Variants in GRM1 observed in about 807,000 individuals in gnomAD.
GRM1 encodes metabotropic glutamate receptor 1.
GRM1 carries 33 observed loss-of-function variants against 90.9 expected under a neutral mutation model. The ratio of observed to expected loss-of-function variants is 0.36; its 90% CI spans 0.28 to 0.49. GRM1 has a LOEUF of 0.49. Ranked by LOEUF, GRM1 falls within the 20% of genes least tolerant of loss-of-function variation. The pLI, the probability that GRM1 is intolerant of heterozygous loss-of-function variation, is 0.99. For missense variants in GRM1, 1,190 were observed against 1,534.3 expected, an observed-to-expected ratio of 0.78 and a Z score of 3.75; for synonymous variants, 700 against 613.2, an observed-to-expected ratio of 1.14 and a Z score of -2.09.
At chr6:146,163,173 C>T (rs1777798228) in intron 2 of GRM1, among the ~76,000 whole-genome samples, 2 of 152,046 alleles carry the variant, frequency 1.3e-5, no homozygotes, top group Non-Finnish European at 2.9e-5. Flanking sequence ...GCCAGCAGAC[C>T]CAGGGGAGAA....
intron 1 of GRM1, among the ~76,000 whole-genome samples, chr6:146,151,749 A>G (rs1777344819): frequency 6.6e-6 from 1 of 151,856 alleles, no homozygotes; most frequent in South Asian, 2.1e-4. Context: ...ATCCCATTTT[A>G]CCCCCATTTT....
chr6:146,362,199 T>A (rs191441096), intron 5 of GRM1, among the ~76,000 whole-genome samples: 140 of 152,336 alleles, frequency 9.2e-4, no homozygotes, highest in Admixed American at 2.1e-3. Flanking sequence ...CCTCTTCTTA[T>A]CATCACCCAG....
chr6:146,042,004 A>G (rs1379785221), intron 1 of GRM1, among the ~76,000 whole-genome samples: 3 of 151,818 alleles, frequency 2.0e-5, no homozygotes, highest in Admixed American at 2.0e-4. Flanking sequence ...AGAGAAATGA[A>G]CTCTGTGTCT....
intron 2 of GRM1, among the ~76,000 whole-genome samples, chr6:146,166,723 A>G (rs979108294): frequency 2.6e-5 from 4 of 152,204 alleles, no homozygotes; most frequent in South Asian, 4.1e-4. Flanking sequence ...GGGCCTACCA[A>G]TGAAGTTTCT....
intron 1 of GRM1, among the ~76,000 whole-genome samples, chr6:146,120,251 T>C (rs1417752902): frequency 1.3e-5 from 2 of 152,218 alleles, no homozygotes; most frequent in African/African-American, 4.8e-5. Context: ...TTGTTATTGG[T>C]GTATAAGAAT....
chr6:146,260,053 A>G (rs1382934112), intron 2 of GRM1, among the ~76,000 whole-genome samples: 1 of 151,604 alleles, frequency 6.6e-6, no homozygotes, highest in African/African-American at 2.4e-5. Context: ...ATACATGTGC[A>G]GAACGTGCAG....
intron 2 of GRM1, among the ~76,000 whole-genome samples, chr6:146,234,265 A>G (rs1780552778): frequency 6.6e-6 from 1 of 152,084 alleles, no homozygotes; most frequent in Non-Finnish European, 1.5e-5. Context: ...ATAACAGCAT[A>G]CAAGTGTATC....
chr6:146,139,042 C>T (rs574674673), intron 1 of GRM1, among the ~76,000 whole-genome samples: 32 of 151,758 alleles, frequency 2.1e-4, no homozygotes, highest in African/African-American at 4.3e-4. Flanking sequence ...TCATTTGTTT[C>T]GAGAAATTTT....
At chr6:146,156,630 T>C (rs1032647788) in intron 1 of GRM1, among the ~76,000 whole-genome samples, 1 of 152,224 alleles carries the variant, frequency 6.6e-6, no homozygotes, top group African/African-American at 2.4e-5. Flanking sequence ...CTTAGCTCTT[T>C]CCTACTGTTC....
intron 2 of GRM1, among the ~76,000 whole-genome samples, chr6:146,232,805 G>A (rs1290100114): frequency 6.6e-6 from 1 of 151,844 alleles, no homozygotes; most frequent in African/African-American, 2.4e-5. Flanking sequence ...ATGTACTGGG[G>A]GTTGGGACTC....
intron 6 of GRM1, among the ~76,000 whole-genome samples, chr6:146,388,005 C>T (rs1276402793): frequency 6.6e-6 from 1 of 151,940 alleles, no homozygotes; most frequent in African/African-American, 2.4e-5. Flanking sequence ...ACTAGTAAAA[C>T]CAATGGAACT....
chr6:146,275,312 G>T (rs1782314339), intron 2 of GRM1, among the ~76,000 whole-genome samples: 1 of 152,142 alleles, frequency 6.6e-6, no homozygotes, highest in South Asian at 2.1e-4. Context: ...GATTACAGGA[G>T]GAAAGAGGTA....
At chr6:146,158,415 G>A (rs535138820) in intron 1 of GRM1, among the ~76,000 whole-genome samples, 1 of 152,056 alleles carries the variant, frequency 6.6e-6, no homozygotes, top group Admixed American at 6.5e-5. Flanking sequence ...AGCAGAGATG[G>A]ATGTTTGACA....
At chr6:146,400,563 C>T (rs1221554391) in intron 7 of GRM1, among the ~76,000 whole-genome samples, 1 of 152,044 alleles carries the variant, frequency 6.6e-6, no homozygotes, top group Non-Finnish European at 1.5e-5. Context: ...AAGCACTTTC[C>T]TATCCTTTTT....
intron 2 of GRM1, among the ~76,000 whole-genome samples, chr6:146,302,706 C>A (rs1783434377): frequency 6.6e-6 from 1 of 151,916 alleles, no homozygotes; most frequent in African/African-American, 2.4e-5. Context: ...GTTTGTAATT[C>A]TTTTTTAGTG....
intron 3 of GRM1, among the ~76,000 whole-genome samples, chr6:146,327,506 A>C (rs1198265668): frequency 6.6e-6 from 1 of 152,196 alleles, no homozygotes; most frequent in Non-Finnish European, 1.5e-5. Context: ...ACCACTTTGT[A>C]GTGTCCTAAG....
At chr6:146,379,564 A>G (rs1776241862) in intron 5 of GRM1, among the ~76,000 whole-genome samples, 1 of 151,766 alleles carries the variant, frequency 6.6e-6, no homozygotes, top group Non-Finnish European at 1.5e-5. Flanking sequence ...TGTTTCTCCA[A>G]GATTGGTTTC....
At chr6:146,097,864 C>G (rs997834072) in intron 1 of GRM1, among the ~76,000 whole-genome samples, 20 of 152,206 alleles carry the variant, frequency 1.3e-4, no homozygotes, top group Non-Finnish European at 2.8e-4. Flanking sequence ...CAGCATATTA[C>G]TAACACCTCT....
chr6:146,267,190 C>A (rs1378865498), intron 2 of GRM1, among the ~76,000 whole-genome samples: 3 of 152,212 alleles, frequency 2.0e-5, no homozygotes, highest in Non-Finnish European at 4.4e-5. Context: ...CTTCCGGCTC[C>A]AGCCATGTCC....
Sources: gnomAD v4.1 joint callset for allele counts (sites outside exome capture counted in the v4.1 genomes callset) on GRCh38, gnomAD v4.1.1 for gene constraint, MANE v1.5 for transcripts, NCBI Gene and HGNC (gene_info 2026-07-23, HGNC 2026-07-21) for gene names.